VWA5A: variants seen among roughly 807,000 people sequenced by gnomAD.
VWA5A encodes von Willebrand factor A domain containing 5A, also known as von Willebrand factor A domain-containing protein 5A.
In VWA5A, 77 loss-of-function variants were observed where a neutral mutation model predicts 84.6. The observed-to-expected ratio is 0.91, with a 90% CI of 0.76 to 1.10. VWA5A has a LOEUF of 1.10. Ranked by LOEUF, VWA5A falls within the 50% of genes least tolerant of loss-of-function variation. VWA5A has a pLI of 0.00. For missense variants in VWA5A, 973 were observed against 963.0 expected (o/e 1.01, Z -0.14); for synonymous variants, 334 against 350.1 (o/e 0.95, Z 0.51).
chr11:124,136,180 CT>C lies in VWA5A; in HGVS notation c.1412del (p.Leu471ArgfsTer27). 2 of 1,614,218 alleles carry C rather than the reference CT, an allele frequency of 1.2e-6. No homozygotes were observed. Among genetic ancestry groups the C allele is most frequent in the African/African-American group, 2.7e-5 (2 of 75,072 alleles). On this transcript the variant is annotated frameshift_variant, in exon 13 of 19. Coordinates refer to ENST00000456829, the MANE Select transcript of VWA5A (RefSeq NM_001130142.2). LOFTEE classifies it high-confidence loss of function. ...SLQPVVEDVS[L>X]SWHLPPGLSA... ...GCAGCCTGTGGTAGAGGATGTCTCTCTGAGCTGGCATTTGCCTCCTGGTCTG... is the reference window on the plus strand; with the variant it reads ...GCAGCCTGTGGTAGAGGATGTCTCTCGAGCTGGCATTTGCCTCCTGGTCTG...
rs1860825375 is a variant in VWA5A, at chr11:124,146,556, A to T, written c.*611A>T. On this transcript the variant is annotated 3_prime_UTR_variant, in exon 19 of 19. Coordinates refer to ENST00000456829, the MANE Select transcript of VWA5A (RefSeq NM_001130142.2). Reference sequence around the variant, plus strand: ...GTACAACCTACATGTCTTTTCTTCCACTGCCTGAAAGACTTGGGTTGAACT... The same window carrying T: ...GTACAACCTACATGTCTTTTCTTCCTCTGCCTGAAAGACTTGGGTTGAACT... 1 of 152,318 alleles carries T rather than the reference A, an allele frequency of 6.6e-6. No homozygotes were observed. Among genetic ancestry groups the T allele is most frequent in the Non-Finnish European group, 1.5e-5 (1 of 68,180 alleles). The allele number at this position is 152,318 out of a possible 1,614,324, so 9.4% of individuals were successfully genotyped here.
chr11:124,118,297 C>G lies in VWA5A; in HGVS notation c.355C>G (p.Pro119Ala). ...CTCTTGCAATGTGGGTAACCTCCAA[C>G]CTGGGTCGAAGGCGGCAGTCACCCT... ...VFSCNVGNLQ[P>A]GSKAAVTLKY... Residue 119 changes from proline (P) to alanine (A), a missense_variant, in exon 5 of 19, where the codon CCT becomes GCT. Transcript: ENST00000456829. 6.2e-7 allele frequency: 1 copy of G among 1,614,188 alleles called. No homozygotes were observed.
intron 16 of VWA5A, among the ~76,000 whole-genome samples, chr11:124,142,218 C>A (rs762137892): frequency 3.9e-5 from 6 of 152,202 alleles, no homozygotes; most frequent in African/African-American, 1.2e-4. Context: ...CTGCCCTCGC[C>A]CCCCAGCAGA....
At chr11:124,116,729 A>G (rs551721615) in intron 2 of VWA5A, 49 bp downstream of exon 2, 1 of 152,326 alleles carries the variant, frequency 6.6e-6, no homozygotes, top group South Asian at 2.1e-4. Context: ...TCAAAATAAA[A>G]ACAGATATGG....
intron 11 of VWA5A, among the ~76,000 whole-genome samples, chr11:124,126,314 A>G (rs1019354960): frequency 2.6e-5 from 4 of 152,364 alleles, no homozygotes; most frequent in Middle Eastern, 6.8e-3. Flanking sequence ...GACTAGATCT[A>G]TTTAAGCAGG....
intron 11 of VWA5A, among the ~76,000 whole-genome samples, chr11:124,131,363 A>T (rs907831514): frequency 5.9e-5 from 9 of 152,088 alleles, no homozygotes; most frequent in African/African-American, 2.2e-4. Flanking sequence ...GCAATTTAAA[A>T]TGTATGAATT....
At chr11:124,123,584 G>A (rs1247147380) in intron 9 of VWA5A, 76 bp from the exon 10 acceptor site, 2 of 1,611,802 alleles carry the variant, frequency 1.2e-6, no homozygotes, top group African/African-American at 1.3e-5. Context: ...TTTAATGGGG[G>A]TTTCTCAATT....
chr11:124,126,618 G>A (rs879474549), intron 11 of VWA5A, among the ~76,000 whole-genome samples: 5 of 151,980 alleles, frequency 3.3e-5, no homozygotes, highest in Non-Finnish European at 5.9e-5. Context: ...AATTAGCCAG[G>A]GCATGGTAGT....
At chr11:124,120,369 C>A (rs911961278) in intron 7 of VWA5A, among the ~76,000 whole-genome samples, 4 of 152,152 alleles carry the variant, frequency 2.6e-5, no homozygotes, top group Non-Finnish European at 4.4e-5. Context: ...ACTTCTGAAG[C>A]ATTTACACAT....
Position 124,136,235 on chromosome 11 carries a change from C to CTG in VWA5A, c.1468_1469dup (p.Ile491SerfsTer8). Reference sequence around the variant, plus strand: ...GCTAAAATGCTTTCCCCAGAACAGACTGTCATCTTTAGGGGTCAGAGATTA... The same window carrying CTG: ...GCTAAAATGCTTTCCCCAGAACAGACTGTGTCATCTTTAGGGGTCAGAGATTA... On this transcript the variant is annotated frameshift_variant, in exon 13 of 19. Transcript: ENST00000456829. LOFTEE classifies it high-confidence loss of function. 7 of 1,614,194 alleles carry CTG rather than the reference C, an allele frequency of 4.3e-6. No individual in the cohort carries two copies. Among genetic ancestry groups the CTG allele is most frequent in the Non-Finnish European group, 5.9e-6 (7 of 1,180,044 alleles).
Position 124,117,669 on chromosome 11 carries a change from C to A in VWA5A, c.44-4C>A, listed in dbSNP as rs748122180. On this transcript the variant is annotated splice_polypyrimidine_tract_variant and splice_region_variant and intron_variant, in intron 3 of 18. Transcript: ENST00000456829. Reference sequence around the variant, plus strand: ...GATGAACTTGAACTCTGGTCTATCTCCAGTGCCGCTGAAGAGTATCTCTGT... The same window carrying A: ...GATGAACTTGAACTCTGGTCTATCTACAGTGCCGCTGAAGAGTATCTCTGT... 2 of 1,614,186 alleles carry A rather than the reference C, an allele frequency of 1.2e-6. No individual in the cohort carries two copies. Among genetic ancestry groups the A allele is most frequent in the South Asian group, 2.2e-5 (2 of 91,088 alleles).
chr11:124,127,644 G>C (rs193065026), intron 11 of VWA5A, among the ~76,000 whole-genome samples: 1 of 152,204 alleles, frequency 6.6e-6, no homozygotes, highest in Middle Eastern at 3.4e-3. Flanking sequence ...AGTGTAAAAG[G>C]TTTCCTATTT....
At chr11:124,137,459 A>T (rs962743577) in intron 15 of VWA5A, among the ~76,000 whole-genome samples, 191 bp downstream of exon 15, 7 of 152,362 alleles carry the variant, frequency 4.6e-5, no homozygotes, top group Middle Eastern at 3.4e-3. Flanking sequence ...ATTGGCAAGG[A>T]GATTTAAAAT....
chr11:124,126,801 G>A (rs1156596954), intron 11 of VWA5A, among the ~76,000 whole-genome samples: 6 of 149,822 alleles, frequency 4.0e-5, no homozygotes, highest in African/African-American at 1.2e-4. Flanking sequence ...ACCTTCACCC[G>A]GGTCTACCAG....
chr11:124,123,611 G>T (rs1864968342), intron 9 of VWA5A, 49 bp from the exon 10 acceptor site: 1 of 1,613,880 alleles, frequency 6.2e-7, no homozygotes, highest in South Asian at 1.1e-5. Flanking sequence ...CTCTATACTG[G>T]GCAAGGTTAA....
chr11:124,138,926 T>G (rs1860671484), intron 15 of VWA5A, among the ~76,000 whole-genome samples: 1 of 152,222 alleles, frequency 6.6e-6, no homozygotes, highest in African/African-American at 2.4e-5. Context: ...ACTTAAGCCT[T>G]TAGTTCATTT....
rs75192004 is a variant in VWA5A at position 124,122,851 on chromosome 11, T to C, written c.761-109T>C. 2,667 of 1,117,816 alleles carry C rather than the reference T, an allele frequency of 2.4e-3. 42 individuals carry two copies. In the African/African-American group the frequency reaches 0.035, roughly 14 times the overall value. The allele number at this position is 1,117,816 out of a possible 1,614,324, so 69.2% of individuals were successfully genotyped here. A position where few individuals can be genotyped will look rare whatever the true frequency, so the allele number is the denominator to read the frequency against. ...TGGTACATGAATCATCACAGTGTTTTAGATTTGAGTTTTCCTAGCTCTTAA... is the reference window on the plus strand; with the variant it reads ...TGGTACATGAATCATCACAGTGTTTCAGATTTGAGTTTTCCTAGCTCTTAA... On this transcript the variant is annotated intron_variant, in intron 7 of 18. Transcript: ENST00000456829.
intron 8 of VWA5A, 24 bp downstream of exon 8, chr11:124,123,153 C>T (rs776080757): frequency 5.6e-6 from 9 of 1,602,388 alleles, no homozygotes; most frequent in Non-Finnish European, 7.7e-6. Flanking sequence ...CTTTCCTCTT[C>T]TGGGTCACAT....
intron 7 of VWA5A, among the ~76,000 whole-genome samples, chr11:124,121,640 A>G (rs1002463151): frequency 6.6e-6 from 1 of 152,212 alleles, no homozygotes; most frequent in Admixed American, 6.5e-5. Context: ...GACTTTTCAG[A>G]GGAAGACATG....
Sources: allele counts gnomAD v4.1 joint callset (sites outside exome capture counted in the v4.1 genomes callset), GRCh38; gene constraint gnomAD v4.1.1; transcripts MANE v1.5; gene names NCBI Gene and HGNC (gene_info 2026-07-23, HGNC 2026-07-21).